Variants in HSPBAP1 observed in about 807,000 individuals in gnomAD.
HSPBAP1 encodes HSPB1-associated protein 1.
A neutral mutation model predicts 45.2 loss-of-function variants in HSPBAP1; 27 were observed. The observed-to-expected ratio is 0.60, with a 90% CI of 0.44 to 0.82. The LOEUF (loss-of-function observed/expected upper bound fraction) is 0.82. HSPBAP1 is among the 40% of genes least tolerant of loss of function. The probability of loss-of-function intolerance (pLI) is 0.00; values close to 1 mark genes in which losing one functional copy is unlikely to be tolerated. For missense variants in HSPBAP1, 510 were observed against 590.9 expected (o/e 0.86, Z 1.42); for synonymous variants, 204 against 202.7 (o/e 1.01, Z -0.06).
chr3:122,743,144 CT>C (rs1456590548), intron 6 of HSPBAP1, among the ~76,000 whole-genome samples: 2 of 152,132 alleles, frequency 1.3e-5, no homozygotes, highest in African/African-American at 4.8e-5. Flanking sequence ...TATTTCATTC[CT>C]TGTGATAGTT....
At chr3:122,784,494 G>A (rs1348395397) in intron 1 of HSPBAP1, among the ~76,000 whole-genome samples, 1 of 152,138 alleles carries the variant, frequency 6.6e-6, no homozygotes, top group Non-Finnish European at 1.5e-5. Context: ...CAATCCCATA[G>A]TATACTATAT....
chr3:122,756,409 T>C (rs2107509929), intron 4 of HSPBAP1, among the ~76,000 whole-genome samples: 1 of 152,252 alleles, frequency 6.6e-6, no homozygotes, highest in African/African-American at 2.4e-5. Flanking sequence ...ATTCAAGCCA[T>C]GTATGGTGGC....
At chr3:122,780,336 A>C (rs1187119006) in intron 1 of HSPBAP1, among the ~76,000 whole-genome samples, 2 of 45,366 alleles carry the variant, frequency 4.4e-5, no homozygotes, top group Admixed American at 2.5e-4. Context: ...CGGGGGGCTG[A>C]CCCCCCCACC....
At chr3:122,751,017 C>T (rs56719716) in intron 6 of HSPBAP1, among the ~76,000 whole-genome samples, 1,710 of 152,204 alleles carry the variant, frequency 0.011, 25 homozygotes, top group African/African-American at 0.038. Context: ...AAAAAAATCA[C>T]AGATATTTTA....
At chr3:122,741,703 C>T in intron 6 of HSPBAP1, 1 of 152,016 alleles carries the variant, frequency 6.6e-6, no homozygotes, top group East Asian at 1.9e-4. Flanking sequence ...GTAGAATAAT[C>T]TACACATATC....
intron 2 of HSPBAP1, among the ~76,000 whole-genome samples, chr3:122,774,310 T>C (rs1935112776): frequency 6.6e-6 from 1 of 152,136 alleles, no homozygotes. Flanking sequence ...AAAATGACAT[T>C]TAAGCTAAGA....
rs760554018 is a variant in HSPBAP1 at position 122,768,866 on chromosome 3, A to G, written c.267T>C (p.Thr89=). ...GTGTAGCTTCTACGTAATTACATGT[A>G]GTTTCAAACTGAGGAACTGCAATGT... The part of the protein sequence containing the change: ...KSMSTVPQFE[T]TCNYVEATLE... The change falls in exon 3 of 8, where the codon ACT becomes ACC. Residue 89 remains threonine, a synonymous_variant. Transcript: ENST00000306103. 10 of 1,608,624 alleles carry G rather than the reference A, an allele frequency of 6.2e-6. No homozygotes were observed. The Admixed American group carries it at 1.5e-4, about 24-fold the overall frequency.
At chr3:122,741,520 C>T (rs1455841818) in intron 6 of HSPBAP1, 1 of 172,348 alleles carries the variant, frequency 5.8e-6, no homozygotes, top group South Asian at 1.4e-4. Flanking sequence ...TGCTTGGCTA[C>T]AAGAATGAGA....
At chr3:122,775,723 G>A (rs1935172278) in intron 2 of HSPBAP1, among the ~76,000 whole-genome samples, 2 of 152,106 alleles carry the variant, frequency 1.3e-5, no homozygotes, top group Admixed American at 1.3e-4. Context: ...TTTGGAAAAC[G>A]GTTTCTCAAA....
chr3:122,774,635 T>C (rs1935124921), intron 2 of HSPBAP1, among the ~76,000 whole-genome samples: 2 of 152,056 alleles, frequency 1.3e-5, no homozygotes, highest in South Asian at 4.1e-4. Flanking sequence ...GTATGAGGAA[T>C]GGTGTGGGAA....
chr3:122,775,543 T>C (rs988268641), intron 2 of HSPBAP1, among the ~76,000 whole-genome samples: 10 of 152,202 alleles, frequency 6.6e-5, no homozygotes, highest in Admixed American at 1.3e-4. Context: ...CTCAAACTCC[T>C]GACCTCGTGA....
intron 3 of HSPBAP1, among the ~76,000 whole-genome samples, chr3:122,764,284 C>G (rs1934697698): frequency 2.0e-5 from 3 of 152,192 alleles, no homozygotes; most frequent in Admixed American, 6.5e-5. Flanking sequence ...TGATATTTCT[C>G]TGGTCTTTAG....
chr3:122,759,399 C>T (rs1415772198), intron 3 of HSPBAP1, 39 bp from the exon 4 acceptor site: 2 of 1,597,002 alleles, frequency 1.3e-6, no homozygotes, highest in Admixed American at 3.4e-5. Context: ...AAGAACTAAC[C>T]AACTTCTCTG....
rs373793507 is a variant in HSPBAP1 at position 122,740,614 on chromosome 3, C to T, written c.1198G>A (p.Glu400Lys). The part of the protein sequence containing the change: ...PDLVPVAQRS[E>K]EPPSERGGIF... ...CCTCCTCTTTCTGAAGGCGGTTCTT[C>T]GGACCTCTGTGCTACAGGGACCAGA... The change falls in exon 8 of 8, where the codon GAA (glutamate) becomes AAA (lysine). Residue 400 changes from glutamate to lysine, a missense_variant. Coordinates refer to ENST00000306103, the MANE Select transcript of HSPBAP1 (RefSeq NM_024610.6). 1.1e-5 allele frequency: 17 copies of T among 1,614,060 alleles called. No homozygotes were observed. The highest frequency in any genetic ancestry group is 5.5e-5 in the South Asian group (5 of 91,096).
intron 1 of HSPBAP1, among the ~76,000 whole-genome samples, chr3:122,788,667 G>T (rs1013700611): frequency 2.0e-5 from 3 of 152,194 alleles, no homozygotes; most frequent in Non-Finnish European, 4.4e-5. Context: ...CTTGAAGACA[G>T]TATGCTAACT....
Position 122,782,544 on chromosome 3 carries a change from G to A in HSPBAP1, c.65-4638C>T, listed in dbSNP as rs530272720. On this transcript the variant is annotated intron_variant, in intron 1 of 7. Transcript: ENST00000306103. Reference sequence around the variant, plus strand: ...GGTTTAAAAAACCTCCCAATAAAATGTTCCTATATGTGCAGTGAATGGTCA... The same window carrying A: ...GGTTTAAAAAACCTCCCAATAAAATATTCCTATATGTGCAGTGAATGGTCA... Among the ~76,000 whole-genome samples the A allele has an allele frequency of 2.6e-5, 4 of 152,162 alleles. No individual in the cohort carries two copies. In the South Asian group the frequency reaches 8.3e-4, roughly 32 times the overall value.
At chr3:122,763,607 A>G (rs1576253369) in intron 3 of HSPBAP1, among the ~76,000 whole-genome samples, 1 of 152,280 alleles carries the variant, frequency 6.6e-6, no homozygotes, top group East Asian at 1.9e-4. Flanking sequence ...TTATGAAAAT[A>G]ATTTTGATCT....
At chr3:122,776,926 T>C (rs142503085) in intron 2 of HSPBAP1, among the ~76,000 whole-genome samples, 38 of 152,218 alleles carry the variant, frequency 2.5e-4, no homozygotes, top group African/African-American at 9.2e-4. Flanking sequence ...TAGATATTAA[T>C]AAGCCACTTT....
chr3:122,777,575 C>A, intron 2 of HSPBAP1, 146 bp downstream of exon 2: 3 of 531,136 alleles, frequency 5.6e-6, no homozygotes, highest in East Asian at 3.1e-5. Context: ...TTTTCCAAAC[C>A]TTCCAATAAA....
Sources: gnomAD v4.1 joint callset for allele counts (sites outside exome capture counted in the v4.1 genomes callset) on GRCh38, gnomAD v4.1.1 for gene constraint, MANE v1.5 for transcripts, NCBI Gene and HGNC (gene_info 2026-07-23, HGNC 2026-07-21) for gene names.